Variants in B3GALNT2 observed in about 807,000 individuals in gnomAD.
The protein encoded by B3GALNT2 is beta-1,3-N-acetylgalactosaminyltransferase 2.
A neutral mutation model predicts 61.1 loss-of-function variants in B3GALNT2; 53 were observed. The ratio of observed to expected loss-of-function variants is 0.87; its 90% CI spans 0.70 to 1.09. The LOEUF is 1.09. B3GALNT2 is among the 50% of genes least tolerant of loss of function. The pLI is 0.00. For synonymous variants in B3GALNT2, 223 were observed against 237.4 expected, an observed-to-expected ratio of 0.94 and a Z score of 0.56; for missense variants, 544 against 623.0, an observed-to-expected ratio of 0.87 and a Z score of 1.35.
At chr1:235,442,619 C>G (rs918926274), downstream of B3GALNT2, among the ~76,000 whole-genome samples, 1 of 152,060 alleles carries the variant, frequency 6.6e-6, no homozygotes, top group African/African-American at 2.4e-5. Context: ...GAAAACCTAG[C>G]CAAGCTGTAA....
At chr1:235,499,292 C>T (rs894987535) in intron 1 of B3GALNT2, among the ~76,000 whole-genome samples, 1 of 152,136 alleles carries the variant, frequency 6.6e-6, no homozygotes, top group Non-Finnish European at 1.5e-5. Flanking sequence ...TGGTTACTAT[C>T]CCTGGTAGTG....
intron 7 of B3GALNT2, 111 bp from the exon 8 acceptor site, chr1:235,458,897 G>T: frequency 2.0e-6 from 2 of 978,930 alleles, no homozygotes; most frequent in Non-Finnish European, 2.8e-6. Context: ...AGAAACACAT[G>T]CAGTTGTTTG....
Position 235,489,270 on chromosome 1 carries a change from TGA to T in B3GALNT2, c.261-4_261-3del, listed in dbSNP as rs748844365. On this transcript the variant is annotated splice_polypyrimidine_tract_variant and splice_region_variant and intron_variant, in intron 2 of 11. Coordinates refer to ENST00000366600, the MANE Select transcript of B3GALNT2 (RefSeq NM_152490.5). ...CCTATTATGAACTTCACAAGCACAC[TGA>T]GAGATGTGTTGGCATTAACATCAGT... The T allele has an allele frequency of 6.2e-7, 1 of 1,613,380 alleles. No individual in the cohort carries two copies. Among genetic ancestry groups the T allele is most frequent in the South Asian group, 1.1e-5 (1 of 91,016 alleles).
chr1:235,449,667 C>T lies in B3GALNT2; in HGVS notation c.*539G>A, dbSNP rs1682771700. 1 of 152,550 alleles carries T rather than the reference C, an allele frequency of 6.6e-6. No individual in the cohort carries two copies. The allele number at this position is 152,550 out of a possible 1,614,324, so 9.4% of individuals were successfully genotyped here. A position where few individuals can be genotyped will look rare whatever the true frequency, so the allele number is the denominator to read the frequency against. On this transcript the variant is annotated 3_prime_UTR_variant, in exon 12 of 12. Transcript: ENST00000366600. ...AGTTCAAGTTGCCCACTTCAGAGATCCACAAAATCTGACATTATTTCCAGA... is the reference window on the plus strand; with the variant it reads ...AGTTCAAGTTGCCCACTTCAGAGATTCACAAAATCTGACATTATTTCCAGA...
At chr1:235,476,618 G>C (rs1370465968) in intron 5 of B3GALNT2, among the ~76,000 whole-genome samples, 1 of 152,184 alleles carries the variant, frequency 6.6e-6, no homozygotes, top group Non-Finnish European at 1.5e-5. Flanking sequence ...GGGAGGCCAA[G>C]GTAGGTGGAT....
At chr1:235,443,540 G>C (rs761057073), downstream of B3GALNT2, among the ~76,000 whole-genome samples, 1 of 152,164 alleles carries the variant, frequency 6.6e-6, no homozygotes, top group Non-Finnish European at 1.5e-5. Flanking sequence ...CTGAGACCTT[G>C]AATGGCATAG....
chr1:235,460,123 T>TTC (rs1683353246), intron 7 of B3GALNT2, among the ~76,000 whole-genome samples: 1 of 133,196 alleles, frequency 7.5e-6, no homozygotes, highest in African/African-American at 2.8e-5. Context: ...CTCTTTCTTT[T>TTC]TTGTTTTTGA....
rs1179783671 is a variant in B3GALNT2, at chr1:235,448,046, TA to T, written c.*2159del. On this transcript the variant is annotated 3_prime_UTR_variant, in exon 12 of 12. Transcript: ENST00000366600. ...CAACATGGTGAAACCCCGTCTCTAC[TA>T]AAAATACAAAAGTTAGCTGGGTGTG... 6.6e-6 allele frequency among the ~76,000 whole-genome samples: 1 copy of T among 151,938 alleles called. No individual in the cohort carries two copies. The highest frequency in any genetic ancestry group is 1.5e-5 in the Non-Finnish European group (1 of 67,994).
Position 235,449,509 on chromosome 1 carries a change from G to T in B3GALNT2, c.*697C>A, listed in dbSNP as rs1399841257. 6.6e-6 allele frequency: 1 copy of T among 152,646 alleles called. No individual in the cohort carries two copies. Among genetic ancestry groups the T allele is most frequent in the African/African-American group, 2.4e-5 (1 of 41,430 alleles). 9.5% of individuals were successfully genotyped at this position (152,646 alleles called of 1,614,324 possible). On this transcript the variant is annotated 3_prime_UTR_variant, in exon 12 of 12. Transcript: ENST00000366600. ...CACAACTTTAGCATTTAAAAACTAT[G>T]AGTACTAAACTGTGACCTTCAGGAT... is the stretch of plus-strand genomic sequence containing the variant.
At chr1:235,493,196 A>G (rs1341564477) in intron 2 of B3GALNT2, among the ~76,000 whole-genome samples, 1 of 152,170 alleles carries the variant, frequency 6.6e-6, no homozygotes, top group Non-Finnish European at 1.5e-5. Context: ...GTATGGTCTA[A>G]GCAGCATCTG....
At chr1:235,475,609 T>C (rs1162677056) in intron 5 of B3GALNT2, among the ~76,000 whole-genome samples, 2 of 151,822 alleles carry the variant, frequency 1.3e-5, no homozygotes, top group African/African-American at 4.8e-5. Flanking sequence ...CTTGATGCAG[T>C]AAAAAAAAGG....
At chr1:235,467,979 C>T (rs1254162838) in intron 6 of B3GALNT2, among the ~76,000 whole-genome samples, 3 of 152,100 alleles carry the variant, frequency 2.0e-5, no homozygotes, top group African/African-American at 7.2e-5. Context: ...GGGGTTTCAC[C>T]ATGTTGGTCA....
the B3GALNT2 span, chr1:235,440,920 T>C: frequency 6.6e-6 from 1 of 152,258 alleles, no homozygotes; most frequent in Admixed American, 6.5e-5. Context: ...GATGACATTA[T>C]TACTCCACAT....
chr1:235,484,220 A>G (rs1355954261), intron 4 of B3GALNT2, 102 bp downstream of exon 4: 6 of 1,424,286 alleles, frequency 4.2e-6, no homozygotes, highest in Non-Finnish European at 5.5e-6. Context: ...TCAACCAGAG[A>G]GAATTATATA....
intron 5 of B3GALNT2, among the ~76,000 whole-genome samples, chr1:235,472,173 T>C (rs1248588101): frequency 1.3e-5 from 2 of 152,168 alleles, no homozygotes; most frequent in African/African-American, 4.8e-5. Context: ...AAAATAGTTT[T>C]TCATTTGCTA....
At chr1:235,450,770 T>C in intron 11 of B3GALNT2, 1 of 155,478 alleles carries the variant, frequency 6.4e-6, no homozygotes, top group East Asian at 1.9e-4. Context: ...TGCTGTGAGG[T>C]AGGAACTATT....
rs376637659 is a variant in B3GALNT2, at chr1:235,478,588, T to C, written c.651+1466A>G. 1.8e-4 allele frequency among the ~76,000 whole-genome samples: 28 copies of C among 152,318 alleles called. 1 individual carries two copies. Among genetic ancestry groups the C allele is most frequent in the African/African-American group, 6.7e-4 (28 of 41,566 alleles). ...TTCATCCTAAGAAAATAACCAGTTA[T>C]ACACATAAAACAGAGGTGCGGTGAT... On this transcript the variant is annotated intron_variant, in intron 5 of 11. Transcript: ENST00000366600.
At position 235,447,657 on chromosome 1, in the gene B3GALNT2, G is replaced by C. The variant is rs150091674; in HGVS notation, c.*2549C>G. ...ATACCTGAGTCCCATTCCAGTGTTC[G>C]TTCAGTAATTCATAAGGAAGTCATC... is the stretch of plus-strand genomic sequence containing the variant. On this transcript the variant is annotated 3_prime_UTR_variant, in exon 12 of 12. Coordinates refer to ENST00000366600, the MANE Select transcript of B3GALNT2 (RefSeq NM_152490.5). 6.6e-5 allele frequency among the ~76,000 whole-genome samples: 10 copies of C among 152,222 alleles called. No homozygotes were observed. Among genetic ancestry groups the C allele is most frequent in the African/African-American group, 1.9e-4 (8 of 41,532 alleles).
At chr1:235,475,646 C>T (rs539365766) in intron 5 of B3GALNT2, among the ~76,000 whole-genome samples, 16 of 152,214 alleles carry the variant, frequency 1.1e-4, no homozygotes, top group African/African-American at 3.9e-4. Flanking sequence ...ATTTTCAACA[C>T]AAATAGAATT....
Sources: allele counts gnomAD v4.1 joint callset (sites outside exome capture counted in the v4.1 genomes callset), GRCh38; gene constraint gnomAD v4.1.1; transcripts MANE v1.5; gene names NCBI Gene and HGNC (gene_info 2026-07-23, HGNC 2026-07-21).